The following CLIC2 variants were observed in gnomAD, a reference collection of about 807,000 sequenced individuals.
CLIC2 encodes the protein CLIC family member 2.
In CLIC2, 9 loss-of-function variants were observed where a neutral mutation model predicts 14.8. The observed-to-expected ratio is 0.61, with a 90% CI of 0.37 to 1.06. The LOEUF is 1.06. CLIC2 is among the 50% of genes least tolerant of loss of function. CLIC2 has a pLI of 0.01. For synonymous variants in CLIC2, 61 were observed against 66.3 expected (o/e 0.92, Z 0.39); for missense variants, 148 against 181.4 (o/e 0.82, Z 1.06).
intron 3 of CLIC2, among the ~76,000 whole-genome samples, chrX:155,283,300 A>G (rs2074926608): frequency 8.9e-6 from 1 of 112,288 alleles, no homozygotes; most frequent in Non-Finnish European, 1.9e-5. Flanking sequence ...GTCCTTCACT[A>G]TTGAGTACAA....
intron 1 of CLIC2, among the ~76,000 whole-genome samples, chrX:155,333,394 CTGA>C (rs2075163582): frequency 9.0e-6 from 1 of 110,756 alleles, no homozygotes; most frequent in African/African-American, 3.3e-5. Context: ...ACTACTACTA[CTGA>C]TGATGCTAGT....
At chrX:155,305,353 A>G (rs989872444) in intron 1 of CLIC2, among the ~76,000 whole-genome samples, 1 of 111,730 alleles carries the variant, frequency 9.0e-6, no homozygotes, top group Non-Finnish European at 1.9e-5. Context: ...GCCATCTGTC[A>G]CCCCTTTCTT....
At chrX:155,291,973 C>CG (rs2074967760) in intron 3 of CLIC2, among the ~76,000 whole-genome samples, 1 of 111,950 alleles carries the variant, frequency 8.9e-6, no homozygotes, top group Non-Finnish European at 1.9e-5. Context: ...CAGCCACCCC[C>CG]GGAGCGCAGT....
intron 3 of CLIC2, among the ~76,000 whole-genome samples, chrX:155,297,884 A>AAAAAAAAAAAAAAAAAAAAGAAG (rs1557318527): frequency 6.6e-5 from 3 of 45,228 alleles, no homozygotes; most frequent in Non-Finnish European, 1.5e-4. Flanking sequence ...AAAAAAAAAA[A>AAAAAAAAAAAAAAAAAAAAGAAG]AAGAAGGTGA....
intron 1 of CLIC2, among the ~76,000 whole-genome samples, chrX:155,330,677 A>G (rs782348329): frequency 9.0e-5 from 10 of 111,259 alleles, no homozygotes; most frequent in Admixed American, 4.8e-4. Flanking sequence ...AGAACAAAAA[A>G]CACCCCCAAA....
intron 4 of CLIC2, 46 bp downstream of exon 4, chrX:155,279,916 G>A (rs2074912619): frequency 3.3e-6 from 3 of 902,206 alleles, no homozygotes; most frequent in Non-Finnish European, 4.9e-6. Flanking sequence ...TGAGTGAGAA[G>A]ATGAAGAGTG....
intron 3 of CLIC2, among the ~76,000 whole-genome samples, chrX:155,282,076 C>T (rs781887695): frequency 9.0e-6 from 1 of 111,527 alleles, no homozygotes; most frequent in East Asian, 2.8e-4. Flanking sequence ...CTCACTCGCT[C>T]AATTATGACA....
chrX:155,288,760 C>G lies in CLIC2; in HGVS notation c.294-8692G>C, dbSNP rs782449042. ...ATACTCTAAATTCTATATAAAAAAT[C>G]TGTCAACCCATAATTATTCTAATAT... On this transcript the variant is annotated intron_variant, in intron 3 of 5. Coordinates refer to ENST00000369449, the MANE Select transcript of CLIC2 (RefSeq NM_001289.6). Among the ~76,000 whole-genome samples, 15 of 112,148 alleles carry G rather than the reference C, an allele frequency of 1.3e-4. No homozygotes were observed. The East Asian group carries it at 3.9e-3, about 29-fold the overall frequency.
chrX:155,285,866 T>A (rs1380183324), intron 3 of CLIC2, among the ~76,000 whole-genome samples: 1 of 108,914 alleles, frequency 9.2e-6, no homozygotes, highest in Non-Finnish European at 1.9e-5. Context: ...GCGGAGAGTT[T>A]AATAGGCAAG....
chrX:155,293,166 A>G (rs1414593571), intron 3 of CLIC2: 5 of 699,017 alleles, frequency 7.2e-6, no homozygotes, highest in African/African-American at 4.2e-5. Flanking sequence ...CTGGCAAGGT[A>G]TCTGAAGGGG....
intron 1 of CLIC2, among the ~76,000 whole-genome samples, chrX:155,320,696 C>G (rs1211570444): frequency 3.6e-5 from 4 of 111,671 alleles, no homozygotes; most frequent in African/African-American, 1.3e-4. Context: ...GGGAACAAAA[C>G]TGGATGGAGA....
chrX:155,306,654 G>A (rs1414916424), intron 1 of CLIC2, among the ~76,000 whole-genome samples: 1 of 111,113 alleles, frequency 9.0e-6, no homozygotes, highest in East Asian at 2.8e-4. Context: ...CTCAGCTTCT[G>A]GGGAGGCCTC....
intron 1 of CLIC2, among the ~76,000 whole-genome samples, chrX:155,322,782 G>A (rs2075121185): frequency 9.0e-6 from 1 of 111,297 alleles, no homozygotes; most frequent in African/African-American, 3.3e-5. Context: ...TCTTTGAAAA[G>A]ATGAACAAAA....
chrX:155,299,075 T>G lies in CLIC2; in HGVS notation c.128A>C (p.Lys43Thr). 8.3e-7 allele frequency: 1 copy of G among 1,210,274 alleles called. No homozygotes were observed. Among genetic ancestry groups the G allele is most frequent in the African/African-American group, 1.7e-5 (1 of 57,758 alleles). ...AGTTGTCACATTAAATTTAACTCCT[T>G]TAAGCCAGAGGATCATGAAAAGGCG... is the stretch of plus-strand genomic sequence containing the variant. The part of the protein sequence containing the change: ...CQRLFMILWL[K>T]GVKFNVTTVD... The change falls in exon 2 of 6, where the codon AAA (lysine) becomes ACA (threonine). Residue 43 changes from lysine to threonine, a missense_variant. Transcript: ENST00000369449.
At chrX:155,281,769 C>T (rs1205345156) in intron 3 of CLIC2, among the ~76,000 whole-genome samples, 1 of 111,580 alleles carries the variant, frequency 9.0e-6, no homozygotes, top group Non-Finnish European at 1.9e-5. Context: ...CACCCATAGA[C>T]AGAGCAATCA....
At chrX:155,331,478 C>G (rs2075156694) in intron 1 of CLIC2, among the ~76,000 whole-genome samples, 1 of 111,503 alleles carries the variant, frequency 9.0e-6, no homozygotes, top group African/African-American at 3.3e-5. Flanking sequence ...TGTTTGTGAT[C>G]TAAGTTTTTA....
intron 3 of CLIC2, among the ~76,000 whole-genome samples, chrX:155,289,958 G>C (rs2074957398): frequency 8.9e-6 from 1 of 112,041 alleles, no homozygotes; most frequent in Non-Finnish European, 1.9e-5. Flanking sequence ...AAATACTCTA[G>C]CCTGGTCTTT....
At chrX:155,333,964 C>G (rs1344874256) in intron 1 of CLIC2, among the ~76,000 whole-genome samples, 2 of 110,574 alleles carry the variant, frequency 1.8e-5, no homozygotes, top group African/African-American at 6.6e-5. Context: ...GTCAGGCCTT[C>G]CAAAACCTAT....
At chrX:155,300,704 G>C (rs2075013643) in intron 1 of CLIC2, among the ~76,000 whole-genome samples, 1 of 101,761 alleles carries the variant, frequency 9.8e-6, no homozygotes, top group African/African-American at 3.5e-5. Context: ...GGTTTTTATG[G>C]TTTTAGGTCT....
Sources: gnomAD v4.1 joint callset for allele counts (sites outside exome capture counted in the v4.1 genomes callset) on GRCh38, gnomAD v4.1.1 for gene constraint, MANE v1.5 for transcripts, NCBI Gene and HGNC (gene_info 2026-07-23, HGNC 2026-07-21) for gene names.